Variants in SCMH1 observed in about 807,000 individuals in gnomAD.
SCMH1 encodes the protein polycomb protein SCMH1.
SCMH1 carries 37 observed loss-of-function variants against 70.8 expected under a neutral mutation model. The observed-to-expected ratio is 0.52, with a 90% CI of 0.40 to 0.69. The LOEUF (loss-of-function observed/expected upper bound fraction) is 0.69. Among genes scored for constraint, SCMH1 ranks in the 30% least tolerant of loss-of-function variants. SCMH1 has a pLI of 0.00. For missense variants in SCMH1, 607 were observed against 827.3 expected, an observed-to-expected ratio of 0.73 and a Z score of 3.27; for synonymous variants, 292 against 307.4, an observed-to-expected ratio of 0.95 and a Z score of 0.52.
At chr1:41,037,371 A>G (rs1164308552) in exon 13 of SCMH1, 1 of 1,614,068 alleles carries the variant, frequency 6.2e-7, no homozygotes, top group Non-Finnish European at 8.5e-7. Flanking sequence ...CCCCTGGAGC[A>G]TAGCCTGCGC....
At chr1:41,211,388 C>T (rs1656993221) in intron 1 of SCMH1, among the ~76,000 whole-genome samples, 1 of 152,180 alleles carries the variant, frequency 6.6e-6, no homozygotes, top group Non-Finnish European at 1.5e-5. Context: ...CAAAAGAAGA[C>T]ATTTATGCAG....
chr1:41,086,187 A>C (rs755973230), intron 8 of SCMH1, among the ~76,000 whole-genome samples: 1 of 152,170 alleles, frequency 6.6e-6, no homozygotes, highest in Non-Finnish European at 1.5e-5. Flanking sequence ...ACATAGCTCA[A>C]ATTACATTTC....
intron 8 of SCMH1, among the ~76,000 whole-genome samples, chr1:41,095,627 A>G (rs1202906066): frequency 6.6e-6 from 1 of 152,144 alleles, no homozygotes; most frequent in Admixed American, 6.5e-5. Flanking sequence ...TTCTGATGCT[A>G]TATTCTGGTC....
intron 6 of SCMH1, among the ~76,000 whole-genome samples, 188 bp from the exon 7 acceptor site, chr1:41,117,198 TTCA>T (rs1317450300): frequency 6.6e-6 from 1 of 152,120 alleles, no homozygotes; most frequent in Non-Finnish European, 1.5e-5. Context: ...ATGAATATCA[TTCA>T]TCATTAGTTT....
chr1:41,139,073 C>T (rs533949094), intron 6 of SCMH1, among the ~76,000 whole-genome samples: 1 of 152,106 alleles, frequency 6.6e-6, no homozygotes, highest in African/African-American at 2.4e-5. Flanking sequence ...TTACCCCCTG[C>T]TGTCTTTTTT....
At chr1:41,232,695 C>T (rs1021515413) in intron 1 of SCMH1, among the ~76,000 whole-genome samples, 14 of 152,072 alleles carry the variant, frequency 9.2e-5, no homozygotes, top group African/African-American at 3.1e-4. Context: ...GTAAAAATAA[C>T]GTGTTTATAC....
chr1:41,098,902 CATT>C (rs1297510111), intron 8 of SCMH1: 1 of 217,420 alleles, frequency 4.6e-6, no homozygotes, highest in African/African-American at 2.3e-5. Context: ...ACCGCTATGC[CATT>C]ATTAAGTCCC....
At chr1:41,098,634 C>T in intron 8 of SCMH1, 1 of 157,284 alleles carries the variant, frequency 6.4e-6, no homozygotes, top group Non-Finnish European at 1.4e-5. Context: ...TCTTTTTTCA[C>T]AAGATGGCAC....
chr1:41,236,937 G>C (rs568684146), intron 1 of SCMH1, among the ~76,000 whole-genome samples: 1 of 152,148 alleles, frequency 6.6e-6, no homozygotes, highest in African/African-American at 2.4e-5. Context: ...AGCAGTTTAC[G>C]GTGGCTAGAG....
chr1:41,107,576 G>A (rs1280494986), intron 8 of SCMH1, among the ~76,000 whole-genome samples: 1 of 152,064 alleles, frequency 6.6e-6, no homozygotes, highest in African/African-American at 2.4e-5. Context: ...CTGGAGTGCA[G>A]TGGCATGATC....
chr1:41,182,738 A>T (rs1649158299), intron 2 of SCMH1, among the ~76,000 whole-genome samples: 1 of 152,124 alleles, frequency 6.6e-6, no homozygotes, highest in African/African-American at 2.4e-5. Flanking sequence ...AAAACAAAAA[A>T]AACAATGAAA....
At chr1:41,094,235 CT>C (rs1664465861) in intron 8 of SCMH1, among the ~76,000 whole-genome samples, 1 of 152,096 alleles carries the variant, frequency 6.6e-6, no homozygotes, top group Admixed American at 6.5e-5. Context: ...GCCCGAGTTG[CT>C]TTTTGGTTTT....
intron 2 of SCMH1, among the ~76,000 whole-genome samples, chr1:41,181,590 A>G (rs894113661): frequency 2.0e-5 from 3 of 152,226 alleles, no homozygotes; most frequent in Admixed American, 2.0e-4. Flanking sequence ...CAACAGACAC[A>G]TGAAGAAATG....
intron 8 of SCMH1, among the ~76,000 whole-genome samples, chr1:41,087,682 G>A (rs1000628833): frequency 6.6e-6 from 1 of 151,952 alleles, no homozygotes; most frequent in African/African-American, 2.4e-5. Context: ...GTGAGGCTAC[G>A]GGAAAACAAG....
intron 2 of SCMH1, among the ~76,000 whole-genome samples, chr1:41,171,487 T>C (rs1261797696): frequency 7.3e-5 from 11 of 151,292 alleles, no homozygotes; most frequent in Admixed American, 7.3e-4. Context: ...GACAGAACTA[T>C]GGAATGGCCT....
intron 1 of SCMH1, among the ~76,000 whole-genome samples, chr1:41,198,790 T>C (rs777403961): frequency 2.0e-5 from 3 of 152,206 alleles, no homozygotes; most frequent in Admixed American, 1.3e-4. Context: ...GTCTGTCTGA[T>C]ATTCAACAAG....
intron 2 of SCMH1, among the ~76,000 whole-genome samples, chr1:41,167,783 C>T (rs1468277919): frequency 6.6e-6 from 1 of 152,066 alleles, no homozygotes; most frequent in Non-Finnish European, 1.5e-5. Context: ...TCCGAATTCC[C>T]TTTAGCATTT....
chr1:41,211,254 T>C (rs938034142), intron 1 of SCMH1, among the ~76,000 whole-genome samples: 3 of 152,214 alleles, frequency 2.0e-5, no homozygotes, highest in East Asian at 3.8e-4. Context: ...AGAAAATTTC[T>C]GCAATCCGTC....
intron 1 of SCMH1, among the ~76,000 whole-genome samples, chr1:41,214,767 T>C (rs1657745950): frequency 6.6e-6 from 1 of 152,124 alleles, no homozygotes; most frequent in African/African-American, 2.4e-5. Context: ...GATTCTCCAA[T>C]TGAGGGTCTG....
Sources: gnomAD v4.1 joint callset for allele counts (sites outside exome capture counted in the v4.1 genomes callset) on GRCh38, gnomAD v4.1.1 for gene constraint, MANE v1.5 for transcripts, NCBI Gene and HGNC (gene_info 2026-07-23, HGNC 2026-07-21) for gene names.